NAALADL2: variants seen among roughly 807,000 people sequenced by gnomAD.
The protein encoded by NAALADL2 is N-acetylated alpha-linked acidic dipeptidase like 2.
A neutral mutation model predicts 87.2 loss-of-function variants in NAALADL2; 76 were observed. The observed-to-expected ratio is 0.87, with a 90% confidence interval of 0.72 to 1.05. NAALADL2 has a LOEUF of 1.05. Ranked by LOEUF, NAALADL2 falls within the 50% of genes least tolerant of loss-of-function variation. NAALADL2 has a pLI of 0.00. For missense variants in NAALADL2, 1,089 were observed against 945.8 expected (o/e 1.15, Z -1.99); for synonymous variants, 354 against 331.0 (o/e 1.07, Z -0.75).
intron 2 of NAALADL2, among the ~76,000 whole-genome samples, chr3:175,159,913 T>C (rs1280663686): frequency 6.6e-6 from 1 of 151,598 alleles, no homozygotes. Flanking sequence ...CTCAACTCAC[T>C]GCAGCCTCTG....
chr3:175,390,137 AC>A (rs1167010040), intron 5 of NAALADL2, among the ~76,000 whole-genome samples: 1 of 152,116 alleles, frequency 6.6e-6, no homozygotes, highest in Non-Finnish European at 1.5e-5. Flanking sequence ...AAAAAATAGA[AC>A]TTTTAATTCA....
chr3:175,220,381 T>G (rs1743180284), intron 2 of NAALADL2, among the ~76,000 whole-genome samples: 3 of 151,882 alleles, frequency 2.0e-5, no homozygotes, highest in Admixed American at 2.0e-4. Flanking sequence ...TAATTAACTA[T>G]ATTTTTAAGT....
At chr3:175,582,218 TAA>T (rs558758035) in intron 10 of NAALADL2, among the ~76,000 whole-genome samples, 1 of 136,016 alleles carries the variant, frequency 7.4e-6, no homozygotes, top group African/African-American at 2.7e-5. Context: ...AGACAAATAC[TAA>T]AAAAAAAAAA....
At chr3:175,523,309 A>T (rs141033714) in intron 9 of NAALADL2, among the ~76,000 whole-genome samples, 3 of 152,342 alleles carry the variant, frequency 2.0e-5, no homozygotes, top group Non-Finnish European at 2.9e-5. Flanking sequence ...TCTAAAATGT[A>T]TCAGACAGTC....
intron 2 of NAALADL2, among the ~76,000 whole-genome samples, chr3:175,138,483 G>C (rs764294403): frequency 4.0e-5 from 6 of 151,862 alleles, no homozygotes; most frequent in Admixed American, 3.3e-4. Flanking sequence ...ATTAATATTT[G>C]TTTTCCTAAT....
intron 2 of NAALADL2, among the ~76,000 whole-genome samples, chr3:174,722,834 T>C (rs1333059908): frequency 6.6e-6 from 1 of 152,206 alleles, no homozygotes; most frequent in African/African-American, 2.4e-5. Context: ...AACAACATAA[T>C]TACCTTGTTT....
chr3:175,745,321 A>G (rs1745776511), intron 12 of NAALADL2, among the ~76,000 whole-genome samples: 1 of 152,190 alleles, frequency 6.6e-6, no homozygotes, highest in African/African-American at 2.4e-5. Context: ...TATAGTGTAA[A>G]TAGTGATGGA....
intron 3 of NAALADL2, among the ~76,000 whole-genome samples, chr3:175,242,752 G>T (rs77566629): frequency 6.6e-6 from 1 of 152,018 alleles, no homozygotes; most frequent in Non-Finnish European, 1.5e-5. Flanking sequence ...TACATTAATC[G>T]CAGGGGACAC....
intron 4 of NAALADL2, among the ~76,000 whole-genome samples, chr3:175,321,051 C>G (rs1231815789): frequency 6.6e-6 from 1 of 151,008 alleles, no homozygotes; most frequent in Non-Finnish European, 1.5e-5. Flanking sequence ...AATTTTAGAC[C>G]AATATCCTTG....
chr3:175,611,443 A>G (rs145935801), intron 10 of NAALADL2, among the ~76,000 whole-genome samples: 2,797 of 152,146 alleles, frequency 0.018, 38 homozygotes, highest in Non-Finnish European at 0.028. Flanking sequence ...TCATAAATCA[A>G]TTAATTACCA....
intron 2 of NAALADL2, among the ~76,000 whole-genome samples, chr3:175,164,688 T>C (rs1733734895): frequency 6.6e-6 from 1 of 152,160 alleles, no homozygotes; most frequent in African/African-American, 2.4e-5. Flanking sequence ...AGTTCTATGG[T>C]AAATTCTTAA....
At chr3:175,329,063 T>G (rs979885203) in intron 5 of NAALADL2, among the ~76,000 whole-genome samples, 1 of 152,166 alleles carries the variant, frequency 6.6e-6, no homozygotes, top group South Asian at 2.1e-4. Context: ...GACTACAGTG[T>G]TGATTTTAAT....
At position 174,508,114 on chromosome 3, in the gene NAALADL2, G is replaced by GTTTTTTTTTTTTTTTTTT. The variant is rs1311325384; in HGVS notation, c.-183-42438_-183-42437insTTTTTTTTTTTTTTTTTT. ...AATTTTAGCTATTGGATATCTAGTGGTTTTTTTTTTTTTTTTTGAGACGAA... is the reference window on the plus strand; with the variant it reads ...AATTTTAGCTATTGGATATCTAGTGGTTTTTTTTTTTTTTTTTTTTTTTTTTTTTTTTTTTGAGACGAA... On this transcript the variant is annotated intron_variant, in intron 1 of 3. Coordinates refer to the NAALADL2 transcript ENST00000434257. 1.3e-4 allele frequency among the ~76,000 whole-genome samples: 14 copies of GTTTTTTTTTTTTTTTTTT among 103,898 alleles called. 1 individual carries two copies. The highest frequency in any genetic ancestry group is 2.5e-4 in the African/African-American group (7 of 28,192). The allele number at this position is 103,898 out of a possible 152,430, so 68.2% of individuals were successfully genotyped here. A position where few individuals can be genotyped will look rare whatever the true frequency, so the allele number is the denominator to read the frequency against.
At chr3:175,103,753 G>A (rs114047225) in intron 2 of NAALADL2, among the ~76,000 whole-genome samples, 2,465 of 152,024 alleles carry the variant, frequency 0.016, 65 homozygotes, top group African/African-American at 0.055. Flanking sequence ...TAATTTAACC[G>A]GGACAACTAT....
At chr3:174,796,199 A>G (rs777426710) in intron 3 of NAALADL2, among the ~76,000 whole-genome samples, 43 of 152,240 alleles carry the variant, frequency 2.8e-4, no homozygotes, top group Non-Finnish European at 5.4e-4. Context: ...GAAAGGGCTC[A>G]GGAAAAAAGC....
chr3:175,771,607 A>G (rs1484204817), intron 13 of NAALADL2, among the ~76,000 whole-genome samples: 2 of 152,066 alleles, frequency 1.3e-5, no homozygotes, highest in East Asian at 3.9e-4. Flanking sequence ...ACATCACTCC[A>G]ATCTTTGCCT....
intron 11 of NAALADL2, among the ~76,000 whole-genome samples, chr3:175,697,821 A>G (rs1444676311): frequency 9.7e-6 from 1 of 102,642 alleles, no homozygotes; most frequent in Non-Finnish European, 2.1e-5. Context: ...ATGTATGTAT[A>G]CATATATATG....
At chr3:175,476,655 G>A (rs1206077052) in intron 9 of NAALADL2, among the ~76,000 whole-genome samples, 1 of 152,084 alleles carries the variant, frequency 6.6e-6, no homozygotes, top group Non-Finnish European at 1.5e-5. Flanking sequence ...GTGCAAAGTT[G>A]TTATGCTTCT....
At chr3:175,272,248 A>T (rs973255991) in intron 4 of NAALADL2, among the ~76,000 whole-genome samples, 1 of 152,236 alleles carries the variant, frequency 6.6e-6, no homozygotes, top group African/African-American at 2.4e-5. Flanking sequence ...TACTTTTTAA[A>T]AAATCTGCTC....
Sources: gnomAD v4.1 joint callset for allele counts (sites outside exome capture counted in the v4.1 genomes callset) on GRCh38, gnomAD v4.1.1 for gene constraint, MANE v1.5 for transcripts, NCBI Gene and HGNC (gene_info 2026-07-23, HGNC 2026-07-21) for gene names.